The following C6orf89 variants were observed in gnomAD, a reference collection of about 807,000 sequenced individuals.
C6orf89 encodes bombesin receptor-activated protein C6orf89.
Under a neutral mutation model 40.7 loss-of-function variants are expected in C6orf89, and 29 were observed. That is an observed-to-expected ratio of 0.71 (90% confidence interval 0.53 to 0.97). The LOEUF (loss-of-function observed/expected upper bound fraction) is 0.97, where lower values mean the gene tolerates loss of function less well. Ranked by LOEUF, C6orf89 falls within the 50% of genes least tolerant of loss-of-function variation. The pLI, the probability that C6orf89 is intolerant of heterozygous loss-of-function variation, is 0.00. For synonymous variants in C6orf89, 165 were observed against 152.2 expected (o/e 1.08, Z -0.62); for missense variants, 392 against 429.1 (o/e 0.91, Z 0.76).
intron 2 of C6orf89, among the ~76,000 whole-genome samples, chr6:36,898,848 A>G (rs1032306550): frequency 3.7e-4 from 56 of 152,254 alleles, no homozygotes; most frequent in Non-Finnish European, 6.3e-4. Flanking sequence ...AAAGAAGAAG[A>G]AAGAAAAGTG....
At position 36,914,670 on chromosome 6, in the gene C6orf89, G is replaced by C. The variant is rs1462685542; in HGVS notation, c.672G>C (p.Arg224=). ...AGTGGTGGCGCTGCTTTCCTGAGCGGTGGTTCCCATTTCCTTATCCATGGT... is the reference window on the plus strand; with the variant it reads ...AGTGGTGGCGCTGCTTTCCTGAGCGCTGGTTCCCATTTCCTTATCCATGGT... ...FAKWWRCFPE[R]WFPFPYPWRR... The change falls in exon 6 of 9, where the codon CGG becomes CGC. Residue 224 remains arginine (R), a synonymous_variant. Coordinates refer to ENST00000480824, the MANE Select transcript of C6orf89 (RefSeq NM_001286635.2). The C allele has an allele frequency of 6.2e-7, 1 of 1,614,094 alleles. No homozygotes were observed. Among genetic ancestry groups the C allele is most frequent in the African/African-American group, 1.3e-5 (1 of 74,940 alleles).
At chr6:36,911,385 G>A (rs935797734) in intron 4 of C6orf89, among the ~76,000 whole-genome samples, 34 of 152,100 alleles carry the variant, frequency 2.2e-4, no homozygotes, top group African/African-American at 8.0e-4. Context: ...AGCTATTCAG[G>A]AGGCTGAGGC....
intron 2 of C6orf89, among the ~76,000 whole-genome samples, chr6:36,897,022 G>A (rs1761453937): frequency 6.6e-6 from 1 of 151,412 alleles, no homozygotes; most frequent in Non-Finnish European, 1.5e-5. Flanking sequence ...CCCGCTACTT[G>A]GGAGGCTGAG....
chr6:36,897,053 C>A (rs1226499470), intron 2 of C6orf89, among the ~76,000 whole-genome samples: 1 of 146,304 alleles, frequency 6.8e-6, no homozygotes, highest in African/African-American at 2.5e-5. Context: ...CGCTTGAACT[C>A]GGGAGGCGGA....
At chr6:36,888,622 G>T (rs1016221578) in intron 1 of C6orf89, among the ~76,000 whole-genome samples, 1 of 152,174 alleles carries the variant, frequency 6.6e-6, no homozygotes, top group African/African-American at 2.4e-5. Context: ...CGAAGAGTGA[G>T]ACCCTGTCTC....
chr6:36,907,789 A>G (rs1379791339), intron 4 of C6orf89, among the ~76,000 whole-genome samples: 1 of 152,230 alleles, frequency 6.6e-6, no homozygotes, highest in Non-Finnish European at 1.5e-5. Context: ...TGCTTCAGGA[A>G]AAGTGGTTAG....
At chr6:36,899,992 A>T (rs1370018582) in intron 3 of C6orf89, among the ~76,000 whole-genome samples, 1 of 151,978 alleles carries the variant, frequency 6.6e-6, no homozygotes, top group Non-Finnish European at 1.5e-5. Flanking sequence ...GGTTCAAGTG[A>T]TTCTCCTGCC....
intron 2 of C6orf89, among the ~76,000 whole-genome samples, chr6:36,880,704 T>C (rs1265386128): frequency 6.6e-6 from 1 of 152,216 alleles, no homozygotes; most frequent in African/African-American, 2.4e-5. Context: ...TTGGAGACAT[T>C]AAATTCTAAA....
chr6:36,872,982 A>G (rs1359289540), intron 1 of C6orf89, among the ~76,000 whole-genome samples: 1 of 152,224 alleles, frequency 6.6e-6, no homozygotes, highest in Non-Finnish European at 1.5e-5. Flanking sequence ...CTCTATAAGT[A>G]TATGAGGAGT....
At chr6:36,891,558 A>G (rs1242326998) in intron 1 of C6orf89, among the ~76,000 whole-genome samples, 1 of 152,212 alleles carries the variant, frequency 6.6e-6, no homozygotes, top group Non-Finnish European at 1.5e-5. Context: ...TAGATCCTTG[A>G]GGAATCACCA....
chr6:36,897,866 C>CAT (rs35380212), intron 2 of C6orf89, among the ~76,000 whole-genome samples: 37,799 of 151,896 alleles, frequency 0.25, 4,974 homozygotes, highest in East Asian at 0.32. Context: ...AGAGAATACA[C>CAT]GTACTATGTC....
At chr6:36,887,224 C>T (rs781542990) in intron 1 of C6orf89, among the ~76,000 whole-genome samples, 3 of 151,958 alleles carry the variant, frequency 2.0e-5, no homozygotes, top group Non-Finnish European at 2.9e-5. Context: ...ACACCATTCT[C>T]CTGCCTCAGG....
chr6:36,899,786 A>G (rs1761594955), intron 3 of C6orf89, among the ~76,000 whole-genome samples, 153 bp downstream of exon 3: 1 of 152,252 alleles, frequency 6.6e-6, no homozygotes. Context: ...TTACTAGGAA[A>G]TTTGACTGTG....
chr6:36,874,990 A>C, intron 1 of C6orf89: 10 of 521,426 alleles, frequency 1.9e-5, no homozygotes, highest in Admixed American at 1.5e-4. Context: ...GAAAATGCAA[A>C]CTTCATTCGC....
intron 7 of C6orf89, among the ~76,000 whole-genome samples, chr6:36,917,041 A>G (rs907620345): frequency 1.3e-5 from 2 of 152,102 alleles, no homozygotes; most frequent in African/African-American, 4.8e-5. Context: ...GGGAGACCCT[A>G]TCTCTATTTT....
chr6:36,874,211 G>A (rs1774583814), intron 1 of C6orf89, among the ~76,000 whole-genome samples: 1 of 152,214 alleles, frequency 6.6e-6, no homozygotes, highest in South Asian at 2.1e-4. Flanking sequence ...ATACAGCGGG[G>A]CATGGCGCCA....
At chr6:36,913,296 C>T (rs1013238712) in intron 4 of C6orf89, among the ~76,000 whole-genome samples, 6 of 152,172 alleles carry the variant, frequency 3.9e-5, no homozygotes, top group African/African-American at 1.4e-4. Flanking sequence ...GCATGTGGGG[C>T]TGGAAACTAT....
intron 4 of C6orf89, among the ~76,000 whole-genome samples, chr6:36,903,608 C>A (rs959949773): frequency 6.6e-6 from 1 of 151,910 alleles, no homozygotes; most frequent in Non-Finnish European, 1.5e-5. Context: ...TATAGGTGCC[C>A]GCCACCACGC....
intron 4 of C6orf89, among the ~76,000 whole-genome samples, chr6:36,910,645 T>A (rs1762092648): frequency 6.6e-6 from 1 of 151,892 alleles, no homozygotes; most frequent in Non-Finnish European, 1.5e-5. Context: ...GGAGGATGAC[T>A]TGAGCCTGGA....
Sources: gnomAD v4.1 joint callset for allele counts (sites outside exome capture counted in the v4.1 genomes callset) on GRCh38, gnomAD v4.1.1 for gene constraint, MANE v1.5 for transcripts, NCBI Gene and HGNC (gene_info 2026-07-23, HGNC 2026-07-21) for gene names.